The following DDX1 variants were observed in gnomAD, a reference collection of about 807,000 sequenced individuals.
DDX1 encodes the protein DEAD-box helicase 1, also known as ATP-dependent RNA helicase DDX1.
DDX1 carries 28 observed loss-of-function variants against 108.7 expected under a neutral mutation model. The ratio of observed to expected loss-of-function variants is 0.26; its 90% CI spans 0.19 to 0.35. The LOEUF is 0.35. Among genes scored for constraint, DDX1 ranks in the 10% least tolerant of loss-of-function variants. The pLI is 1.00. For synonymous variants in DDX1, 295 were observed against 288.9 expected (o/e 1.02, Z -0.21); for missense variants, 710 against 884.5 (o/e 0.80, Z 2.50).
chr2:15,602,527 G>A, intron 6 of DDX1, 21 bp from the exon 7 acceptor site: 9 of 1,596,258 alleles, frequency 5.6e-6, no homozygotes, highest in Non-Finnish European at 7.7e-6. Flanking sequence ...GTGTTTTTCT[G>A]TGTTTTCTTC....
Position 15,621,099 on chromosome 2 carries a change from C to A in DDX1, c.1430C>A (p.Pro477His). 6.2e-7 allele frequency: 1 copy of A among 1,610,230 alleles called. No individual in the cohort carries two copies. Among genetic ancestry groups the A allele is most frequent in the Non-Finnish European group, 8.5e-7 (1 of 1,177,704 alleles). The change falls in exon 18 of 26, where the codon CCT becomes CAT. Residue 477 changes from proline (P) to histidine (H), a missense_variant. By Grantham distance (77) the Pro-to-His change is moderately conservative. Coordinates refer to ENST00000233084, the MANE Select transcript of DDX1 (RefSeq NM_004939.3). ...DDVHAKDNTR[P>H]GANSPEMWSE... The stretch of plus-strand genomic sequence containing the variant: ...GTACATGCAAAAGATAACACAAGAC[C>A]TGGTGCTAATAGTCCAGGTGAGTTA...
At chr2:15,592,378 G>C (rs563131037) in intron 1 of DDX1, among the ~76,000 whole-genome samples, 2 of 152,336 alleles carry the variant, frequency 1.3e-5, no homozygotes, top group East Asian at 1.9e-4. Flanking sequence ...GCGTGGGGAG[G>C]AGTCATTGGG....
chr2:15,627,961 G>A (rs1041788758), intron 20 of DDX1, among the ~76,000 whole-genome samples: 2 of 152,048 alleles, frequency 1.3e-5, no homozygotes, highest in African/African-American at 4.8e-5. Context: ...GACATTGAAA[G>A]GCTAATTTGT....
intron 19 of DDX1, among the ~76,000 whole-genome samples, chr2:15,625,822 T>C (rs531113239): frequency 2.0e-4 from 30 of 152,192 alleles, no homozygotes; most frequent in African/African-American, 7.0e-4. Flanking sequence ...AAGAAGGATA[T>C]AGAATATTTG....
intron 16 of DDX1, among the ~76,000 whole-genome samples, chr2:15,619,328 C>T (rs948698720): frequency 3.9e-5 from 6 of 152,208 alleles, no homozygotes; most frequent in African/African-American, 7.2e-5. Context: ...AGCGGCAACA[C>T]GGGGCCAGGG....
chr2:15,603,516 G>A lies in DDX1; in HGVS notation c.475+241G>A, dbSNP rs1321602812. ...TATGAATGGAGTCAGGGTAAAGTTA[G>A]TGTGTGTGAATCTGTACCACACAGT... On this transcript the variant is annotated intron_variant, in intron 8 of 25. Transcript: ENST00000233084. Among the ~76,000 whole-genome samples, 5 of 152,336 alleles carry A rather than the reference G, an allele frequency of 3.3e-5. No individual in the cohort carries two copies. In the East Asian group the frequency reaches 9.6e-4, roughly 29 times the overall value.
chr2:15,613,181 TA>T, intron 13 of DDX1, 42 bp from the exon 14 acceptor site: 5 of 1,338,208 alleles, frequency 3.7e-6, no homozygotes, highest in Non-Finnish European at 4.1e-6. Context: ...AAGCAGACTT[TA>T]ATTTTTTTTT....
At chr2:15,613,143 A>C in intron 13 of DDX1, 81 bp from the exon 14 acceptor site, 1 of 951,364 alleles carries the variant, frequency 1.1e-6, no homozygotes, top group Non-Finnish European at 1.5e-6. Context: ...TTCCACCTAA[A>C]ATAAATGGAT....
chr2:15,601,906 A>G (rs1235719552), intron 6 of DDX1, among the ~76,000 whole-genome samples: 1 of 152,214 alleles, frequency 6.6e-6, no homozygotes, highest in East Asian at 1.9e-4. Context: ...TAGTATGTGG[A>G]CATCACTGAG....
chr2:15,606,461 A>G (rs1227178635), intron 12 of DDX1, among the ~76,000 whole-genome samples, 197 bp downstream of exon 12: 3 of 152,194 alleles, frequency 2.0e-5, no homozygotes, highest in Non-Finnish European at 4.4e-5. Flanking sequence ...CAGTGTAGGC[A>G]TTTTGGGATC....
intron 6 of DDX1, among the ~76,000 whole-genome samples, chr2:15,601,844 T>C (rs796830962): frequency 1.3e-5 from 2 of 152,322 alleles, no homozygotes; most frequent in African/African-American, 2.4e-5. Context: ...GGACAGAAAT[T>C]ATAGTTTTTT....
intron 13 of DDX1, 121 bp downstream of exon 13, chr2:15,607,434 AGTAT>A: frequency 1.3e-6 from 1 of 749,160 alleles, no homozygotes; most frequent in East Asian, 2.8e-5. Context: ...CACGTGTGTG[AGTAT>A]GTAAATATAC....
chr2:15,601,952 C>T (rs908575885), intron 6 of DDX1, among the ~76,000 whole-genome samples: 1 of 152,140 alleles, frequency 6.6e-6, no homozygotes, highest in African/African-American at 2.4e-5. Context: ...TATACCTCAT[C>T]TTTTAGAGCC....
intron 1 of DDX1, among the ~76,000 whole-genome samples, chr2:15,594,528 C>T (rs1294793881): frequency 6.6e-6 from 1 of 152,186 alleles, no homozygotes; most frequent in Non-Finnish European, 1.5e-5. Context: ...GATATGTATA[C>T]AGTTAAGAAC....
At position 15,607,156 on chromosome 2, in the gene DDX1, A is replaced by G. The variant is rs1213393119; in HGVS notation, c.818-19A>G. On this transcript the variant is annotated intron_variant, in intron 12 of 25. Transcript: ENST00000233084. ...TAAAGTGTGCTTTGAATGTGTTCTC[A>G]TCTTTTTTATTCCCTAAGGTAATGC... The G allele has an allele frequency of 6.2e-7, 1 of 1,611,202 alleles. No homozygotes were observed. The highest frequency in any genetic ancestry group is 8.5e-7 in the Non-Finnish European group (1 of 1,178,054).
intron 13 of DDX1, among the ~76,000 whole-genome samples, chr2:15,612,364 C>T (rs1265980361): frequency 4.0e-5 from 6 of 149,950 alleles, no homozygotes; most frequent in East Asian, 2.0e-4. Flanking sequence ...ACATCTCAGA[C>T]GATGGGCAGC....
chr2:15,609,447 A>G (rs1304919226), intron 13 of DDX1, among the ~76,000 whole-genome samples: 3 of 152,228 alleles, frequency 2.0e-5, no homozygotes, highest in Non-Finnish European at 4.4e-5. Context: ...CTGACTGTAC[A>G]TGCCTTTCCC....
At chr2:15,601,678 T>G (rs1316243297) in intron 6 of DDX1, among the ~76,000 whole-genome samples, 1 of 152,180 alleles carries the variant, frequency 6.6e-6, no homozygotes, top group Non-Finnish European at 1.5e-5. Flanking sequence ...TAGATAACTT[T>G]TTAAAAGTTC....
chr2:15,607,517 ATT>A (rs56290971), intron 13 of DDX1, among the ~76,000 whole-genome samples: 1 of 151,338 alleles, frequency 6.6e-6, no homozygotes, highest in African/African-American at 2.4e-5. Flanking sequence ...TAAAATTGAG[ATT>A]TTTTTTTTCC....
Sources: allele counts gnomAD v4.1 joint callset (sites outside exome capture counted in the v4.1 genomes callset), GRCh38; gene constraint gnomAD v4.1.1; transcripts MANE v1.5; gene names NCBI Gene and HGNC (gene_info 2026-07-23, HGNC 2026-07-21).